Variants in SH2B3 observed in about 807,000 individuals in gnomAD.
SH2B3 encodes SH2B adapter protein 3.
Under a neutral mutation model 51.9 loss-of-function variants are expected in SH2B3, and 43 were observed. That is an observed-to-expected ratio of 0.83 (90% CI 0.65 to 1.07). The LOEUF (loss-of-function observed/expected upper bound fraction) is 1.07, where lower values mean the gene tolerates loss of function less well. SH2B3 is among the 50% of genes least tolerant of loss of function. SH2B3 has a pLI of 0.00. For missense variants in SH2B3, 952 were observed against 834.3 expected (o/e 1.14, Z -1.74); for synonymous variants, 396 against 376.0 (o/e 1.05, Z -0.62).
rs551755373 is a variant in SH2B3, at chr12:111,413,520, A to C, written c.-27-4599A>C. ...GTTCCCAGCCGTTGCCTGGGCAGTG[A>C]GGGACCTGGAGTGGGCGCAGCTGTT... On this transcript the variant is annotated intron_variant, in intron 1 of 7. Coordinates refer to ENST00000341259, the MANE Select transcript of SH2B3 (RefSeq NM_005475.3). Among the ~76,000 whole-genome samples the C allele has an allele frequency of 3.9e-4, 59 of 152,304 alleles. 1 individual carries two copies. The highest frequency in any genetic ancestry group is 1.3e-3 in the African/African-American group (54 of 41,570).
At position 111,427,263 on chromosome 12, in the gene SH2B3, A is replaced by G. The variant is rs554480352; in HGVS notation, c.732+8386A>G. On this transcript the variant is annotated intron_variant, in intron 2 of 7. Coordinates refer to ENST00000341259, the MANE Select transcript of SH2B3 (RefSeq NM_005475.3). ...TAGCTGGCCACAGTGACGTGTGCCTATAATCCCAGCTACTCGGGAGGCTGA... is the reference window on the plus strand; with the variant it reads ...TAGCTGGCCACAGTGACGTGTGCCTGTAATCCCAGCTACTCGGGAGGCTGA... Among the ~76,000 whole-genome samples, 11 of 152,034 alleles carry G rather than the reference A, an allele frequency of 7.2e-5. No homozygotes were observed. In the South Asian group the frequency reaches 2.3e-3, roughly 32 times the overall value.
Position 111,406,527 on chromosome 12 carries a change from G to T in SH2B3, c.-28+250G>T, listed in dbSNP as rs1364540967. On this transcript the variant is annotated intron_variant, in intron 1 of 7. Transcript: ENST00000341259. This position sits in a 1 kb window ranked among gnomAD's most constrained non-coding sequence, Gnocchi z 5.7. ...GTTGGGGTAACTGAGGCCGTGGGAT[G>T]GGGGAGAGGGCATCGCTGACGCCCC... Among the ~76,000 whole-genome samples, 2 of 152,154 alleles carry T rather than the reference G, an allele frequency of 1.3e-5. No homozygotes were observed. The highest frequency in any genetic ancestry group is 2.9e-5 in the Non-Finnish European group (2 of 68,010).
At chr12:111,432,819 G>T (rs150812239) in intron 2 of SH2B3, among the ~76,000 whole-genome samples, 1 of 152,178 alleles carries the variant, frequency 6.6e-6, no homozygotes, top group Non-Finnish European at 1.5e-5. Flanking sequence ...CAGGTTCACC[G>T]AAGTTACAGC....
Position 111,451,148 on chromosome 12 carries a change from C to A in SH2B3, c.*2846C>A, listed in dbSNP as rs1212112756. 1 of 152,672 alleles carries A rather than the reference C, an allele frequency of 6.5e-6. No individual in the cohort carries two copies. Among genetic ancestry groups the A allele is most frequent in the East Asian group, 1.9e-4 (1 of 5,206 alleles). The allele number at this position is 152,672 out of a possible 1,614,324, so 9.5% of individuals were successfully genotyped here. ...TGCCTTGAATTTTAGACCAGCAATC[C>A]ATATGGCTTTATCTGGTATAAATCT... On this transcript the variant is annotated 3_prime_UTR_variant, in exon 8 of 8. Transcript: ENST00000341259.
chr12:111,438,238 G>A lies in SH2B3; in HGVS notation c.733-8515G>A, dbSNP rs2135587901. Reference sequence around the variant, plus strand: ...TTGGGGGTGCTGGGGCTGGGGGTGGGCAGATGAGGATTGGAGCCCTGGCTC... The same window carrying A: ...TTGGGGGTGCTGGGGCTGGGGGTGGACAGATGAGGATTGGAGCCCTGGCTC... On this transcript the variant is annotated intron_variant, in intron 2 of 7. Coordinates refer to ENST00000341259, the MANE Select transcript of SH2B3 (RefSeq NM_005475.3). The surrounding 1 kb of genome is among the most constrained non-coding windows in gnomAD (Gnocchi z 4.2). 6.6e-6 allele frequency among the ~76,000 whole-genome samples: 1 copy of A among 152,224 alleles called. No homozygotes were observed. The highest frequency in any genetic ancestry group is 6.5e-5 in the Admixed American group (1 of 15,296).
At chr12:111,408,770 C>T (rs1247610550) in intron 1 of SH2B3, among the ~76,000 whole-genome samples, 1 of 152,212 alleles carries the variant, frequency 6.6e-6, no homozygotes, top group Admixed American at 6.5e-5. Context: ...CATGACCCCA[C>T]ACCCTTCTGA....
chr12:111,412,169 T>C (rs1410327169), intron 1 of SH2B3, among the ~76,000 whole-genome samples: 1 of 152,304 alleles, frequency 6.6e-6, no homozygotes, highest in African/African-American at 2.4e-5. Flanking sequence ...GTTGTCACCA[T>C]CTGATCAATT....
chr12:111,427,148 G>A (rs1007892145), intron 2 of SH2B3, among the ~76,000 whole-genome samples: 5 of 152,128 alleles, frequency 3.3e-5, no homozygotes, highest in African/African-American at 1.2e-4. Context: ...GACTTTGGGA[G>A]GCGAAGGCAG....
intron 1 of SH2B3, among the ~76,000 whole-genome samples, chr12:111,415,696 G>A (rs185622398): frequency 1.4e-5 from 2 of 142,382 alleles, no homozygotes; most frequent in Admixed American, 1.5e-4. Flanking sequence ...ATCTCAGCTC[G>A]TTGCAACCTC....
Position 111,446,743 on chromosome 12 carries a change from G to A in SH2B3, c.733-10G>A. 6.7e-7 allele frequency: 1 copy of A among 1,495,446 alleles called. No homozygotes were observed. Among genetic ancestry groups the A allele is most frequent in the East Asian group, 2.3e-5 (1 of 43,876 alleles). 92.6% of individuals were successfully genotyped at this position (1,495,446 alleles called of 1,614,324 possible). A position where few individuals can be genotyped will look rare whatever the true frequency, so the allele number is the denominator to read the frequency against. ...GAACAAGCCTTGAGTACCCCAACTT[G>A]GTCTCGTAGAGTTCAAGGCCCAAGC... On this transcript the variant is annotated splice_polypyrimidine_tract_variant and intron_variant, in intron 2 of 7. Coordinates refer to ENST00000341259, the MANE Select transcript of SH2B3 (RefSeq NM_005475.3).
At chr12:111,447,293 GC>G (rs753027201) in intron 5 of SH2B3, 36 bp from the exon 6 acceptor site, 3 of 1,592,430 alleles carry the variant, frequency 1.9e-6, no homozygotes, top group Non-Finnish European at 2.6e-6. Context: ...ACATAAGGTA[GC>G]CCCCTGCGAC....
intron 2 of SH2B3, among the ~76,000 whole-genome samples, chr12:111,425,081 A>G (rs1871884530): frequency 6.6e-6 from 1 of 152,196 alleles, no homozygotes; most frequent in Non-Finnish European, 1.5e-5. Context: ...CTCAGCCCAC[A>G]GGTGAGCCTC....
chr12:111,434,894 A>AGAAGGACATGG, intron 2 of SH2B3: 1 of 1,535,720 alleles, frequency 6.5e-7, no homozygotes, highest in South Asian at 1.2e-5. Context: ...GGTGGAGCTC[A>AGAAGGACATGG]GAAGGACATG....
At chr12:111,441,085 C>T (rs976449629) in intron 2 of SH2B3, among the ~76,000 whole-genome samples, 6 of 151,776 alleles carry the variant, frequency 4.0e-5, no homozygotes, top group African/African-American at 1.5e-4. Flanking sequence ...AGAGAGGGAC[C>T]CTGCCTCAAA....
chr12:111,439,242 T>G (rs1301292523), intron 2 of SH2B3, among the ~76,000 whole-genome samples: 2 of 151,394 alleles, frequency 1.3e-5, no homozygotes, highest in Admixed American at 6.6e-5. Flanking sequence ...CTCTGCCTCC[T>G]GGGTTCAAGC....
At position 111,418,100 on chromosome 12, in the gene SH2B3, C is replaced by T; in HGVS notation, c.-27-19C>T. Reference sequence around the variant, plus strand: ...CACCTGCTTACTCCTTGTCGCCCCCCCACCCACGTGTCTTTCAGCCCGGCC... The same window carrying T: ...CACCTGCTTACTCCTTGTCGCCCCCTCACCCACGTGTCTTTCAGCCCGGCC... On this transcript the variant is annotated intron_variant, in intron 1 of 7. Coordinates refer to ENST00000341259, the MANE Select transcript of SH2B3 (RefSeq NM_005475.3). The surrounding 1 kb of genome is among the most constrained non-coding windows in gnomAD (Gnocchi z 6.7). 6.8e-7 allele frequency: 1 copy of T among 1,470,902 alleles called. No homozygotes were observed. Among genetic ancestry groups the T allele is most frequent in the South Asian group, 1.4e-5 (1 of 71,694 alleles). 91.1% of individuals were successfully genotyped at this position (1,470,902 alleles called of 1,614,324 possible).
Position 111,447,020 on chromosome 12 carries a change from T to C in SH2B3, c.913T>C (p.Cys305Arg), listed in dbSNP as rs1874046392. The C allele has an allele frequency of 1.2e-6, 2 of 1,613,830 alleles. No individual in the cohort carries two copies. The highest frequency in any genetic ancestry group is 1.7e-6 in the Non-Finnish European group (2 of 1,179,810). ...LNSWMAELSE[C>R]TGRGLESTEA... ...TTCATGGATGGCTGAGCTCTCGGAG[T>C]GCACAGGCCGAGGGTGAGGTCCTGG... Residue 305 changes from cysteine to arginine, a missense_variant, in exon 4 of 8, where the codon TGC becomes CGC. Coordinates refer to ENST00000341259, the MANE Select transcript of SH2B3 (RefSeq NM_005475.3).
chr12:111,414,937 A>T (rs1870971842), intron 1 of SH2B3, among the ~76,000 whole-genome samples: 1 of 152,254 alleles, frequency 6.6e-6, no homozygotes, highest in South Asian at 2.1e-4. Flanking sequence ...TGAGTCAGGC[A>T]TCAGGAGCCA....
In SH2B3 at chr12:111,418,775, C is replaced by T. The variant is rs1350714781; in HGVS notation, c.630C>T (p.Ser210=). 8 of 1,475,442 alleles carry T rather than the reference C, an allele frequency of 5.4e-6. No individual in the cohort carries two copies. The African/African-American group carries it at 1.2e-4, about 22-fold the overall frequency. 91.4% of individuals were successfully genotyped at this position (1,475,442 alleles called of 1,614,324 possible). ...VLRYSLADEA[S]MDSGARWQRG... ...GCTACAGCCTGGCCGACGAGGCCTC[C>T]ATGGACAGCGGGGCACGCTGGCAGC... The change falls in exon 2 of 8, where the codon TCC becomes TCT. Residue 210 remains serine, a synonymous_variant. Transcript: ENST00000341259. The surrounding 1 kb of genome is among the most constrained non-coding windows in gnomAD (Gnocchi z 6.7).
Sources: gnomAD v4.1 joint callset for allele counts (sites outside exome capture counted in the v4.1 genomes callset) on GRCh38, gnomAD v4.1.1 for gene constraint, Gnocchi (gnomAD v3.1) non-coding constraint, MANE v1.5 for transcripts, NCBI Gene and HGNC (gene_info 2026-07-23, HGNC 2026-07-21) for gene names.